The following ADGRB3 variants were observed in gnomAD, a reference collection of about 807,000 sequenced individuals.
ADGRB3 encodes brain-specific angiogenesis inhibitor 3.
In ADGRB3, 37 loss-of-function variants were observed where a neutral mutation model predicts 193.4. The ratio of observed to expected loss-of-function variants is 0.19; its 90% confidence interval spans 0.15 to 0.25. The LOEUF (loss-of-function observed/expected upper bound fraction) is 0.25, where lower values mean the gene tolerates loss of function less well. ADGRB3 is among the 10% of genes least tolerant of loss of function. ADGRB3 has a pLI of 1.00. For synonymous variants in ADGRB3, 690 were observed against 644.2 expected, an observed-to-expected ratio of 1.07 and a Z score of -1.08; for missense variants, 1,637 against 1,852.9, an observed-to-expected ratio of 0.88 and a Z score of 2.14.
intron 3 of ADGRB3, among the ~76,000 whole-genome samples, chr6:68,689,952 C>T (rs971013100): frequency 1.3e-5 from 2 of 152,260 alleles, no homozygotes; most frequent in African/African-American, 2.4e-5. Context: ...GGTCATTATA[C>T]TCACAACTCC....
Position 69,263,143 on chromosome 6 carries a change from T to C in ADGRB3, c.2814+23917T>C, listed in dbSNP as rs144054741. ...AAAGGAAGCAATAAACACCACTTTG[T>C]TATGACTTCCTTCAGTTCACTGTCT... On this transcript the variant is annotated intron_variant, in intron 20 of 31. Coordinates refer to ENST00000370598, the MANE Select transcript of ADGRB3 (RefSeq NM_001704.3). 2.4e-4 allele frequency among the ~76,000 whole-genome samples: 36 copies of C among 152,150 alleles called. No individual in the cohort carries two copies. In the East Asian group the frequency reaches 4.1e-3, roughly 17 times the overall value.
chr6:68,680,457 A>G (rs1764873851), intron 3 of ADGRB3, among the ~76,000 whole-genome samples: 1 of 152,176 alleles, frequency 6.6e-6, no homozygotes, highest in Admixed American at 6.5e-5. Flanking sequence ...AGGTAGGCCC[A>G]GCTATGCACT....
chr6:69,011,488 G>A (rs1166027513), intron 11 of ADGRB3, among the ~76,000 whole-genome samples: 1 of 151,792 alleles, frequency 6.6e-6, no homozygotes, highest in Non-Finnish European at 1.5e-5. Context: ...TGGGGAGGGA[G>A]GGAAGGAGAG....
At chr6:68,738,469 G>C (rs1363071289) in intron 3 of ADGRB3, among the ~76,000 whole-genome samples, 1 of 152,106 alleles carries the variant, frequency 6.6e-6, no homozygotes, top group African/African-American at 2.4e-5. Flanking sequence ...AAATAAGTTG[G>C]GAGGCTATTT....
intron 17 of ADGRB3, among the ~76,000 whole-genome samples, chr6:69,087,501 G>T (rs1474711128): frequency 5.3e-5 from 8 of 152,078 alleles, no homozygotes; most frequent in Admixed American, 4.6e-4. Context: ...ACCCCAAAGA[G>T]CTTGCTTATC....
At chr6:68,861,063 G>A (rs777317140) in intron 3 of ADGRB3, among the ~76,000 whole-genome samples, 3 of 152,106 alleles carry the variant, frequency 2.0e-5, no homozygotes, top group Non-Finnish European at 4.4e-5. Context: ...ATGGACCCTG[G>A]AGAGAGTCTT....
At chr6:69,298,148 A>G (rs927154865) in intron 20 of ADGRB3, among the ~76,000 whole-genome samples, 1 of 151,988 alleles carries the variant, frequency 6.6e-6, no homozygotes, top group African/African-American at 2.4e-5. Flanking sequence ...GAGAAGGACT[A>G]TTGCAACAGG....
At chr6:69,169,111 G>C (rs959040184) in intron 17 of ADGRB3, among the ~76,000 whole-genome samples, 1 of 152,020 alleles carries the variant, frequency 6.6e-6, no homozygotes, top group African/African-American at 2.4e-5. Context: ...CTATAGCCAT[G>C]CTGCCTGGGA....
intron 17 of ADGRB3, among the ~76,000 whole-genome samples, chr6:69,136,754 T>A (rs1774161589): frequency 6.6e-6 from 1 of 152,132 alleles, no homozygotes; most frequent in Admixed American, 6.5e-5. Context: ...GCCATAGCCA[T>A]ATTTAGAGCC....
chr6:69,152,046 C>A (rs187000799), intron 17 of ADGRB3, among the ~76,000 whole-genome samples: 2 of 152,318 alleles, frequency 1.3e-5, no homozygotes, highest in East Asian at 1.9e-4. Context: ...TTGCTGAGGT[C>A]TCCCCAGCCA....
intron 17 of ADGRB3, among the ~76,000 whole-genome samples, chr6:69,225,201 G>A (rs1340212183): frequency 1.3e-5 from 2 of 151,918 alleles, no homozygotes; most frequent in Non-Finnish European, 2.9e-5. Context: ...TTAACTTCTA[G>A]CAATCTAATT....
chr6:69,362,521 C>T lies in ADGRB3; in HGVS notation c.4239+1009C>T, dbSNP rs150667105. Among the ~76,000 whole-genome samples the T allele has an allele frequency of 2.8e-3, 422 of 151,926 alleles. 2 individuals carry two copies. Among genetic ancestry groups the T allele is most frequent in the East Asian group, 0.016 (83 of 5,170 alleles). ...GGCATTCTGAGAGTCTTAAAAAATG[C>T]GATGAATAAGGTAATTTTCAGGGTT... is the stretch of plus-strand genomic sequence containing the variant. On this transcript the variant is annotated intron_variant, in intron 29 of 31. Coordinates refer to ENST00000370598, the MANE Select transcript of ADGRB3 (RefSeq NM_001704.3).
chr6:69,128,051 C>G (rs1350096737), intron 17 of ADGRB3, among the ~76,000 whole-genome samples: 1 of 152,038 alleles, frequency 6.6e-6, no homozygotes, highest in Non-Finnish European at 1.5e-5. Flanking sequence ...CACATATGGA[C>G]AGATTCTTCA....
chr6:68,734,916 G>T (rs1765842817), intron 3 of ADGRB3, among the ~76,000 whole-genome samples: 3 of 152,060 alleles, frequency 2.0e-5, no homozygotes, highest in East Asian at 3.9e-4. Context: ...TTTAACTTGG[G>T]TTTCTACTAG....
At chr6:69,019,359 T>C (rs548825280) in intron 13 of ADGRB3, among the ~76,000 whole-genome samples, 16 of 152,018 alleles carry the variant, frequency 1.1e-4, no homozygotes, top group Non-Finnish European at 2.4e-4. Context: ...TTCACAGATA[T>C]TTATGCTTTA....
intron 16 of ADGRB3, among the ~76,000 whole-genome samples, chr6:69,069,558 A>AG: frequency 9.4e-6 from 1 of 106,698 alleles, no homozygotes; most frequent in Non-Finnish European, 2.1e-5. Context: ...AAATACAAAA[A>AG]AAAAAAAAAA....
intron 3 of ADGRB3, among the ~76,000 whole-genome samples, chr6:68,888,281 A>C (rs1434119059): frequency 6.6e-6 from 1 of 152,158 alleles, no homozygotes; most frequent in Non-Finnish European, 1.5e-5. Flanking sequence ...TTATTAATGC[A>C]GTTCAATAAA....
chr6:69,062,495 G>A (rs946470310), intron 15 of ADGRB3, among the ~76,000 whole-genome samples: 2 of 151,730 alleles, frequency 1.3e-5, no homozygotes, highest in African/African-American at 4.8e-5. Context: ...ATTATTTATT[G>A]TAATGTGTTT....
At chr6:68,793,725 A>G (rs1289027441) in intron 3 of ADGRB3, among the ~76,000 whole-genome samples, 1 of 151,866 alleles carries the variant, frequency 6.6e-6, no homozygotes, top group East Asian at 1.9e-4. Flanking sequence ...GACAGGGTTT[A>G]CCCCTGTTGG....
Sources: allele counts gnomAD v4.1 joint callset (sites outside exome capture counted in the v4.1 genomes callset), GRCh38; gene constraint gnomAD v4.1.1; transcripts MANE v1.5; gene names NCBI Gene and HGNC (gene_info 2026-07-23, HGNC 2026-07-21).